The following MEGF11 variants were observed in gnomAD, a reference collection of about 807,000 sequenced individuals.
MEGF11 encodes multiple epidermal growth factor-like domains protein 11.
MEGF11 carries 126 observed loss-of-function variants against 146.6 expected under a neutral mutation model. The ratio of observed to expected loss-of-function variants is 0.86; its 90% confidence interval spans 0.74 to 1.00. MEGF11 has a LOEUF of 1.00. MEGF11 is among the 50% of genes least tolerant of loss of function. The pLI, the probability that MEGF11 is intolerant of heterozygous loss-of-function variation, is 0.00. For missense variants in MEGF11, 1,509 were observed against 1,521.2 expected, an observed-to-expected ratio of 0.99 and a Z score of 0.13; for synonymous variants, 532 against 583.4, an observed-to-expected ratio of 0.91 and a Z score of 1.27.
At chr15:66,234,474 T>G (rs1277404422) in intron 1 of MEGF11, among the ~76,000 whole-genome samples, 1 of 152,206 alleles carries the variant, frequency 6.6e-6, no homozygotes, top group East Asian at 1.9e-4. Context: ...TACGCAACGC[T>G]GAAGAGTGGG....
chr15:66,202,127 GCA>G (rs148469468), intron 1 of MEGF11, among the ~76,000 whole-genome samples: 2 of 142,836 alleles, frequency 1.4e-5, no homozygotes, highest in Non-Finnish European at 3.1e-5. Context: ...ACGCGTGCAT[GCA>G]CACACACACA....
chr15:65,920,684 A>G (rs549853823), intron 15 of MEGF11, among the ~76,000 whole-genome samples: 33 of 152,380 alleles, frequency 2.2e-4, no homozygotes, highest in African/African-American at 7.9e-4. Context: ...ATCTGGTTAT[A>G]TTTAATCTGT....
In MEGF11 at chr15:65,993,996, T is replaced by C. The variant is rs779329521; in HGVS notation, c.395-11508A>G. Among the ~76,000 whole-genome samples the C allele has an allele frequency of 4.5e-4, 69 of 152,170 alleles. 1 individual carries two copies. The highest frequency in any genetic ancestry group is 7.6e-4 in the Non-Finnish European group (52 of 68,030). On this transcript the variant is annotated intron_variant, in intron 5 of 25. Coordinates refer to ENST00000395614, the MANE Select transcript of MEGF11 (RefSeq NM_001385028.1). The stretch of plus-strand genomic sequence containing the variant: ...GTGCCCATGGAGTTCAGAGGAGTTC[T>C]CTGCCTGGAGCGGGGTTGGGCTGTG...
intron 1 of MEGF11, among the ~76,000 whole-genome samples, chr15:66,228,145 G>C (rs2091892616): frequency 6.6e-6 from 1 of 152,176 alleles, no homozygotes; most frequent in Non-Finnish European, 1.5e-5. Flanking sequence ...GAAAGCTGCA[G>C]AGAATCTCAA....
In MEGF11 at chr15:65,996,108, C is replaced by T. The variant is rs140495341; in HGVS notation, c.395-13620G>A. Among the ~76,000 whole-genome samples the T allele has an allele frequency of 2.1e-4, 32 of 152,266 alleles. No homozygotes were observed. The East Asian group carries it at 2.3e-3, about 11-fold the overall frequency. ...TAGTCCAGGTCCCTCTGCTGACTTT[C>T]GGGGTGGCCTCAGGGAAGACACATC... On this transcript the variant is annotated intron_variant, in intron 5 of 25. Transcript: ENST00000395614.
rs183649527 is a variant in MEGF11, at chr15:66,053,969, C to A, written c.394+40433G>T. The stretch of plus-strand genomic sequence containing the variant: ...AACTCCTGAGCTCAAGCAATCTGCC[C>A]AGCTCAGCCTCCCAAAGTGCTGGGA... On this transcript the variant is annotated intron_variant, in intron 5 of 25. Transcript: ENST00000395614. Among the ~76,000 whole-genome samples, 3 of 151,920 alleles carry A rather than the reference C, an allele frequency of 2.0e-5. No individual in the cohort carries two copies. The East Asian group carries it at 5.8e-4, about 29-fold the overall frequency.
chr15:66,184,065 C>A (rs1048861574), intron 1 of MEGF11, among the ~76,000 whole-genome samples: 1 of 152,002 alleles, frequency 6.6e-6, no homozygotes, highest in African/African-American at 2.4e-5. Flanking sequence ...TCAGTGGGTG[C>A]CTGGACATCA....
chr15:66,226,974 CT>C (rs1421182820), intron 1 of MEGF11, among the ~76,000 whole-genome samples: 1 of 152,178 alleles, frequency 6.6e-6, no homozygotes, highest in Non-Finnish European at 1.5e-5. Context: ...TTGCCAGGCT[CT>C]TTTCCTCCTT....
intron 5 of MEGF11, among the ~76,000 whole-genome samples, chr15:66,030,103 A>G (rs916370187): frequency 6.6e-6 from 1 of 152,214 alleles, no homozygotes; most frequent in African/African-American, 2.4e-5. Context: ...GACAGTGACA[A>G]TGTCCTTCAG....
chr15:66,221,051 G>A (rs2091723581), intron 1 of MEGF11, among the ~76,000 whole-genome samples: 3 of 152,138 alleles, frequency 2.0e-5, no homozygotes, highest in South Asian at 4.1e-4. Context: ...GCTGGGTGAA[G>A]GGTACCCAAG....
At chr15:66,014,283 T>G (rs1229793332) in intron 5 of MEGF11, among the ~76,000 whole-genome samples, 1 of 152,224 alleles carries the variant, frequency 6.6e-6, no homozygotes, top group Non-Finnish European at 1.5e-5. Context: ...AATTTTAACT[T>G]GATTACATCT....
intron 1 of MEGF11, among the ~76,000 whole-genome samples, chr15:66,135,527 CGAGGCCCCTCCCTGCAGGAA>C (rs1268581688): frequency 1.3e-5 from 2 of 152,140 alleles, no homozygotes; most frequent in African/African-American, 2.4e-5. Context: ...TTCAAAGCAC[CGAGGCCCCTCCCTGCAGGAA>C]GAGGCCTCTC....
At chr15:66,239,108 G>A (rs1447906006) in intron 1 of MEGF11, among the ~76,000 whole-genome samples, 1 of 152,154 alleles carries the variant, frequency 6.6e-6, no homozygotes, top group Non-Finnish European at 1.5e-5. Context: ...AGGCACTCTG[G>A]TCTCTGACCC....
Position 65,918,043 on chromosome 15 carries a change from G to A in MEGF11, c.2009C>T (p.Ala670Val), listed in dbSNP as rs1183879536. Residue 670 changes from alanine (A) to valine (V), a missense_variant, in exon 16 of 26, where the codon GCC becomes GTC. Ala to Val is a moderately conservative substitution (Grantham distance 64). Transcript: ENST00000395614. Reference sequence around the variant, plus strand: ...GATAGGGCTGCAGGTCCCGTTGTTGGCACAGGAGCAGAGCTGGGCACAGTC... The same window carrying A: ...GATAGGGCTGCAGGTCCCGTTGTTGACACAGGAGCAGAGCTGGGCACAGTC... ...GQDCAQLCSC[A>V]NNGTCSPIDG... The A allele has an allele frequency of 1.2e-6, 2 of 1,613,988 alleles. No individual in the cohort carries two copies. Among genetic ancestry groups the A allele is most frequent in the South Asian group, 2.2e-5 (2 of 91,078 alleles).
At chr15:66,037,416 T>C (rs1026567147) in intron 5 of MEGF11, among the ~76,000 whole-genome samples, 1 of 152,248 alleles carries the variant, frequency 6.6e-6, no homozygotes, top group Non-Finnish European at 1.5e-5. Context: ...TTCAGGCAGG[T>C]GACTTAATCT....
At chr15:66,174,669 C>T (rs554733714) in intron 1 of MEGF11, among the ~76,000 whole-genome samples, 3 of 151,800 alleles carry the variant, frequency 2.0e-5, no homozygotes, top group African/African-American at 7.3e-5. Context: ...AGGGAAGAAG[C>T]CCAGCCCAGC....
chr15:66,251,059 G>A (rs1002486402), intron 1 of MEGF11, among the ~76,000 whole-genome samples: 12 of 152,174 alleles, frequency 7.9e-5, no homozygotes, highest in East Asian at 5.8e-4. Context: ...CTTGCCGGCC[G>A]ATTGCTCACC....
intron 5 of MEGF11, among the ~76,000 whole-genome samples, chr15:65,998,399 AGGGCAGGAGGAGCAGTTG>A (rs2082263405): frequency 6.6e-6 from 1 of 152,142 alleles, no homozygotes; most frequent in Admixed American, 6.5e-5. Flanking sequence ...GAGCCAGGTG[AGGGCAGGAGGAGCAGTTG>A]GGGCAGCTCA....
chr15:66,025,310 C>G (rs1461475509), intron 5 of MEGF11, among the ~76,000 whole-genome samples: 1 of 152,142 alleles, frequency 6.6e-6, no homozygotes, highest in African/African-American at 2.4e-5. Context: ...CAGGCTGATT[C>G]CTGAGTGGGG....
Sources: allele counts gnomAD v4.1 joint callset (sites outside exome capture counted in the v4.1 genomes callset), GRCh38; gene constraint gnomAD v4.1.1; transcripts MANE v1.5; gene names NCBI Gene and HGNC (gene_info 2026-07-23, HGNC 2026-07-21).